DDX31: variants seen among roughly 807,000 people sequenced by gnomAD.
DDX31 encodes ATP-dependent DNA helicase DDX31.
A neutral mutation model predicts 91.3 loss-of-function variants in DDX31; 70 were observed. The observed-to-expected ratio is 0.77, with a 90% confidence interval of 0.63 to 0.94. The LOEUF (loss-of-function observed/expected upper bound fraction) is 0.94, where lower values mean the gene tolerates loss of function less well. Among genes scored for constraint, DDX31 ranks in the 40% least tolerant of loss-of-function variants. DDX31 has a pLI of 0.00. For synonymous variants in DDX31, 362 were observed against 350.6 expected (o/e 1.03, Z -0.36); for missense variants, 902 against 925.0 (o/e 0.98, Z 0.32).
intron 19 of DDX31, among the ~76,000 whole-genome samples, chr9:132,611,696 A>G (rs1001905231): frequency 2.6e-5 from 4 of 152,146 alleles, no homozygotes; most frequent in African/African-American, 4.8e-5. Flanking sequence ...CCAGCCTGTT[A>G]GAGATCTGGG....
chr9:132,644,863 T>C (rs1420645566), intron 13 of DDX31, among the ~76,000 whole-genome samples: 1 of 152,204 alleles, frequency 6.6e-6, no homozygotes, highest in Non-Finnish European at 1.5e-5. Context: ...GGCTGGAATA[T>C]TCAGGGATTT....
chr9:132,645,867 G>T lies in DDX31; in HGVS notation c.1380+28C>A, dbSNP rs754200827. On this transcript the variant is annotated intron_variant, in intron 13 of 19. Coordinates refer to ENST00000372159, the MANE Select transcript of DDX31 (RefSeq NM_022779.9). ...CATCTCCACGTGGGGCCGCAGTGTTGTCGCTGCACAGGGAGATCAGTGCTC... is the reference window on the plus strand; with the variant it reads ...CATCTCCACGTGGGGCCGCAGTGTTTTCGCTGCACAGGGAGATCAGTGCTC... The T allele has an allele frequency of 8.8e-6, 14 of 1,591,246 alleles. No homozygotes were observed. In the South Asian group the frequency reaches 1.3e-4, roughly 15 times the overall value.
At chr9:132,656,909 T>C (rs1300552624) in intron 6 of DDX31, among the ~76,000 whole-genome samples, 1 of 152,156 alleles carries the variant, frequency 6.6e-6, no homozygotes, top group Non-Finnish European at 1.5e-5. Flanking sequence ...TGCTAAGCAC[T>C]TTACACAAAT....
intron 1 of DDX31, chr9:132,663,267 C>T: frequency 7.8e-7 from 1 of 1,289,198 alleles, no homozygotes; most frequent in South Asian, 1.2e-5. Flanking sequence ...TCCTCTCAAG[C>T]TGCTCCTCCA....
At chr9:132,634,556 T>C (rs1006254504) in intron 14 of DDX31, among the ~76,000 whole-genome samples, 4 of 150,488 alleles carry the variant, frequency 2.7e-5, no homozygotes, top group Non-Finnish European at 5.9e-5. Context: ...AAACAGTCCA[T>C]ATTCAAATTC....
intron 13 of DDX31, among the ~76,000 whole-genome samples, chr9:132,642,785 C>T (rs1233120292): frequency 6.6e-6 from 1 of 151,680 alleles, no homozygotes; most frequent in Non-Finnish European, 1.5e-5. Flanking sequence ...ATGGATGCAC[C>T]ATTATTTACG....
Position 132,664,823 on chromosome 9 carries a change from C to T in DDX31, c.76-2128G>A, listed in dbSNP as rs191612198. 2.0e-5 allele frequency among the ~76,000 whole-genome samples: 3 copies of T among 152,088 alleles called. No individual in the cohort carries two copies. The East Asian group carries it at 5.8e-4, about 29-fold the overall frequency. On this transcript the variant is annotated intron_variant, in intron 1 of 19. Transcript: ENST00000372159. ...CTTTACTCTCTGCCACTCGGGTCTT[C>T]CTTCAGTTCCTAGAATGTGCTGTGC...
At chr9:132,609,682 C>T (rs367925789) in intron 19 of DDX31, among the ~76,000 whole-genome samples, 1 of 151,966 alleles carries the variant, frequency 6.6e-6, no homozygotes. Context: ...AGTGCAGTGG[C>T]GCGATCTCGG....
intron 17 of DDX31, 70 bp downstream of exon 17, chr9:132,625,592 CAA>C: frequency 6.7e-6 from 8 of 1,187,756 alleles, no homozygotes; most frequent in East Asian, 4.7e-5. Flanking sequence ...AACCCATACA[CAA>C]AGTCTCTACT....
At chr9:132,655,920 T>C (rs935315323) in intron 6 of DDX31, among the ~76,000 whole-genome samples, 3 of 152,112 alleles carry the variant, frequency 2.0e-5, no homozygotes, top group Non-Finnish European at 2.9e-5. Context: ...ACATCGACTT[T>C]GTGAGACTAC....
At chr9:132,624,166 C>CAAAAA (rs4021852) in intron 17 of DDX31, among the ~76,000 whole-genome samples, 14 of 71,462 alleles carry the variant, frequency 2.0e-4, no homozygotes, top group Admixed American at 3.3e-4. Context: ...GACTCCGTCT[C>CAAAAA]AAAAAAAAAA....
At chr9:132,597,636 C>T (rs1277990355) in intron 19 of DDX31, among the ~76,000 whole-genome samples, 2 of 152,210 alleles carry the variant, frequency 1.3e-5, no homozygotes, top group African/African-American at 2.4e-5. Context: ...CCTACAGAAG[C>T]GGTGCGGGCT....
intron 1 of DDX31, among the ~76,000 whole-genome samples, chr9:132,669,224 A>T (rs1276760569): frequency 6.6e-6 from 1 of 151,810 alleles, no homozygotes; most frequent in East Asian, 1.9e-4. Context: ...GTTAATAGAG[A>T]TTCTTTGCAG....
At position 132,612,220 on chromosome 9, in the gene DDX31, G is replaced by A. The variant is rs1263195673; in HGVS notation, c.1861C>T (p.Pro621Ser). ...QSFIQAYATY[P>S]RELKHIFHVR... ...TGGAAGATGTGCTTCAGCTCCCTGG[G>A]GTAGGTGGCGTAGGCTTGGATGAAG... Residue 621 changes from proline (P) to serine (S), a missense_variant, in exon 19 of 20, where the codon CCC (proline) becomes TCC (serine). By Grantham distance (74) the Pro-to-Ser change is moderately conservative (BLOSUM62 -1). Transcript: ENST00000372159. 4 of 1,614,086 alleles carry A rather than the reference G, an allele frequency of 2.5e-6. No homozygotes were observed. Among genetic ancestry groups the A allele is most frequent in the South Asian group, 1.1e-5 (1 of 91,084 alleles).
At position 132,595,627 on chromosome 9, in the gene DDX31, G is replaced by C. The variant is rs1830403155; in HGVS notation, c.1995-515C>G. ...CAGCCCTCCAGGGTTCCACAGTGAAGGCTGGGATGACAGCCAGATAGCTCT... is the reference window on the plus strand; with the variant it reads ...CAGCCCTCCAGGGTTCCACAGTGAACGCTGGGATGACAGCCAGATAGCTCT... On this transcript the variant is annotated intron_variant, in intron 19 of 19. Coordinates refer to ENST00000372159, the MANE Select transcript of DDX31 (RefSeq NM_022779.9). This position sits in a 1 kb window ranked among gnomAD's most constrained non-coding sequence, Gnocchi z 4.6. 6.6e-6 allele frequency among the ~76,000 whole-genome samples: 1 copy of C among 152,178 alleles called. No individual in the cohort carries two copies. Among genetic ancestry groups the C allele is most frequent in the African/African-American group, 2.4e-5 (1 of 41,442 alleles).
Position 132,648,172 on chromosome 9 carries a change from ACTT to A in DDX31, c.967+14_967+16del. Reference sequence around the variant, plus strand: ...CATTAAGAACAAAGAAGGACCCATCACTTCTTTTCAACTCACCTTCTGTGAGTG... The same window carrying A: ...CATTAAGAACAAAGAAGGACCCATCACTTTTCAACTCACCTTCTGTGAGTG... On this transcript the variant is annotated intron_variant, in intron 11 of 19. Coordinates refer to ENST00000372159, the MANE Select transcript of DDX31 (RefSeq NM_022779.9). The A allele has an allele frequency of 6.3e-7, 1 of 1,589,186 alleles. No individual in the cohort carries two copies. The highest frequency in any genetic ancestry group is 1.1e-5 in the South Asian group (1 of 88,676).
chr9:132,603,366 T>C (rs1427387180), intron 19 of DDX31, among the ~76,000 whole-genome samples: 1 of 152,104 alleles, frequency 6.6e-6, no homozygotes, highest in East Asian at 1.9e-4. Context: ...TATAACAAGA[T>C]GGAAAGGCTC....
intron 1 of DDX31, chr9:132,663,383 TTCGA>T: frequency 1.0e-6 from 1 of 985,412 alleles, no homozygotes; most frequent in Non-Finnish European, 1.2e-6. Flanking sequence ...TCCCTTGCCT[TTCGA>T]GTCTCTGAGT....
At chr9:132,616,231 A>G (rs1394836627) in intron 18 of DDX31, among the ~76,000 whole-genome samples, 1 of 152,198 alleles carries the variant, frequency 6.6e-6, no homozygotes, top group African/African-American at 2.4e-5. Context: ...CCCATTATCA[A>G]TCTGGTGTGG....
Sources: gnomAD v4.1 joint callset for allele counts (sites outside exome capture counted in the v4.1 genomes callset) on GRCh38, gnomAD v4.1.1 for gene constraint, Gnocchi (gnomAD v3.1) non-coding constraint, MANE v1.5 for transcripts, NCBI Gene and HGNC (gene_info 2026-07-23, HGNC 2026-07-21) for gene names.